Variants in PRKCE observed in about 807,000 individuals in gnomAD.
PRKCE encodes protein kinase C epsilon type.
A neutral mutation model predicts 85.4 loss-of-function variants in PRKCE; 16 were observed. The ratio of observed to expected loss-of-function variants is 0.19; its 90% CI spans 0.13 to 0.28. The LOEUF is 0.28. Ranked by LOEUF, PRKCE falls within the 10% of genes least tolerant of loss-of-function variation. The pLI, the probability that PRKCE is intolerant of heterozygous loss-of-function variation, is 1.00. For synonymous variants in PRKCE, 388 were observed against 371.5 expected (o/e 1.04, Z -0.51); for missense variants, 573 against 975.2 (o/e 0.59, Z 5.49).
rs1186941744 is a variant in PRKCE at position 45,895,462 on chromosome 2, C to T, written c.412+52399C>T. Among the ~76,000 whole-genome samples the T allele has an allele frequency of 6.6e-6, 1 of 152,166 alleles. No homozygotes were observed. The highest frequency in any genetic ancestry group is 2.4e-5 in the African/African-American group (1 of 41,430). On this transcript the variant is annotated intron_variant, in intron 2 of 14. Coordinates refer to ENST00000306156, the MANE Select transcript of PRKCE (RefSeq NM_005400.3). The surrounding 1 kb of genome is among the most constrained non-coding windows in gnomAD (Gnocchi z 4.8). ...GGCTGGTCCCTGGATGGTGGGGATA[C>T]ATGGTACAGCCACCCAAGGCATGGC...
chr2:46,148,565 G>A (rs577275655), intron 12 of PRKCE, among the ~76,000 whole-genome samples: 17 of 152,236 alleles, frequency 1.1e-4, no homozygotes, highest in Non-Finnish European at 2.5e-4. Flanking sequence ...TGTGCCCTGA[G>A]GCTAGAAGAG....
At chr2:46,036,511 G>A (rs1707870985) in intron 10 of PRKCE, among the ~76,000 whole-genome samples, 1 of 152,150 alleles carries the variant, frequency 6.6e-6, no homozygotes, top group Non-Finnish European at 1.5e-5. Context: ...GGTCACTAGA[G>A]CCCAGGAGGT....
At chr2:46,106,428 A>G (rs1269699522) in intron 11 of PRKCE, among the ~76,000 whole-genome samples, 1 of 152,264 alleles carries the variant, frequency 6.6e-6, no homozygotes, top group Non-Finnish European at 1.5e-5. Context: ...GAAAAACTTT[A>G]TCAACTAGAG....
intron 2 of PRKCE, among the ~76,000 whole-genome samples, chr2:45,942,295 G>A (rs1699940521): frequency 1.3e-5 from 2 of 152,118 alleles, no homozygotes; most frequent in African/African-American, 4.8e-5. Flanking sequence ...GCTTATCTGG[G>A]TGCACCCTGA....
chr2:45,877,378 C>T (rs1380811565), intron 2 of PRKCE, among the ~76,000 whole-genome samples: 1 of 151,898 alleles, frequency 6.6e-6, no homozygotes, highest in African/African-American at 2.4e-5. Context: ...TATCTCTTCT[C>T]TCTCTGGGAT....
intron 11 of PRKCE, among the ~76,000 whole-genome samples, chr2:46,132,142 T>A (rs1356022963): frequency 6.6e-6 from 1 of 152,152 alleles, no homozygotes; most frequent in Admixed American, 6.5e-5. Flanking sequence ...ACCACGCTCT[T>A]TGTTTGAGAT....
chr2:45,977,927 G>A (rs1474849109), intron 3 of PRKCE, among the ~76,000 whole-genome samples: 2 of 152,130 alleles, frequency 1.3e-5, no homozygotes, highest in African/African-American at 2.4e-5. Context: ...GAGCGAGTGA[G>A]GCCAGGATGC....
intron 6 of PRKCE, among the ~76,000 whole-genome samples, chr2:45,987,231 C>T (rs1204528169): frequency 4.6e-5 from 7 of 151,916 alleles, no homozygotes; most frequent in Admixed American, 2.0e-4. Flanking sequence ...AATGCTCTTG[C>T]CCCTGCTCAA....
chr2:46,012,881 A>G (rs1249620066), intron 10 of PRKCE, among the ~76,000 whole-genome samples: 1 of 152,240 alleles, frequency 6.6e-6, no homozygotes, highest in Non-Finnish European at 1.5e-5. Context: ...TTATGGCAGA[A>G]CAGTGATCAA....
intron 2 of PRKCE, among the ~76,000 whole-genome samples, chr2:45,974,704 C>A (rs1702327711): frequency 6.6e-6 from 1 of 152,188 alleles, no homozygotes; most frequent in Non-Finnish European, 1.5e-5. Flanking sequence ...ATATGACCTC[C>A]ACTTCAGGGA....
Position 46,185,193 on chromosome 2 carries a change from C to G in PRKCE, c.*312C>G, listed in dbSNP as rs1056275241. 1 of 287,386 alleles carries G rather than the reference C, an allele frequency of 3.5e-6. No individual in the cohort carries two copies. The highest frequency in any genetic ancestry group is 5.0e-5 in the Admixed American group (1 of 20,020). 17.8% of individuals were successfully genotyped at this position (287,386 alleles called of 1,614,324 possible). ...TCCTCAGGGGCTCCTGGCAGTGAAG[C>G]AACTTCAGTTCTTTTACTGCAAAGA... On this transcript the variant is annotated 3_prime_UTR_variant, in exon 15 of 15. Transcript: ENST00000306156. The surrounding 1 kb of genome is among the most constrained non-coding windows in gnomAD (Gnocchi z 4.7).
chr2:45,756,859 G>T (rs1558637703), intron 1 of PRKCE, among the ~76,000 whole-genome samples: 1 of 152,152 alleles, frequency 6.6e-6, no homozygotes, highest in Non-Finnish European at 1.5e-5. Flanking sequence ...ACTCTATGAG[G>T]AAACTTTGTG....
chr2:46,087,745 G>A (rs2103921561), intron 11 of PRKCE, among the ~76,000 whole-genome samples: 2 of 152,354 alleles, frequency 1.3e-5, no homozygotes, highest in Middle Eastern at 6.8e-3. Context: ...GCCCTGGTCA[G>A]TGTATCACGA....
At chr2:45,778,817 C>T (rs1192206791) in intron 1 of PRKCE, among the ~76,000 whole-genome samples, 1 of 152,156 alleles carries the variant, frequency 6.6e-6, no homozygotes, top group Non-Finnish European at 1.5e-5. Context: ...ACCTTCGGAG[C>T]TCCTCCTCCT....
intron 10 of PRKCE, among the ~76,000 whole-genome samples, chr2:46,060,136 G>T (rs1303212877): frequency 2.0e-5 from 3 of 152,206 alleles, no homozygotes; most frequent in Non-Finnish European, 4.4e-5. Flanking sequence ...TAACCTCAGT[G>T]TATATCTTTG....
At chr2:46,044,923 A>T (rs1461454982) in intron 10 of PRKCE, among the ~76,000 whole-genome samples, 1 of 152,144 alleles carries the variant, frequency 6.6e-6, no homozygotes, top group Non-Finnish European at 1.5e-5. Flanking sequence ...TGTATGTTAC[A>T]TGTTTGTATC....
chr2:45,947,284 T>C (rs1700305829), intron 2 of PRKCE, among the ~76,000 whole-genome samples: 1 of 151,890 alleles, frequency 6.6e-6, no homozygotes, highest in Admixed American at 6.6e-5. Flanking sequence ...AGAGATAAAG[T>C]AAATTAGTGA....
chr2:45,959,626 T>C (rs1185872005), intron 2 of PRKCE, among the ~76,000 whole-genome samples: 3 of 152,182 alleles, frequency 2.0e-5, no homozygotes, highest in Non-Finnish European at 4.4e-5. Flanking sequence ...TCAGATCAGA[T>C]TTAGGGAACA....
chr2:45,788,542 C>G (rs1349817293), intron 1 of PRKCE, among the ~76,000 whole-genome samples: 1 of 152,184 alleles, frequency 6.6e-6, no homozygotes, highest in Non-Finnish European at 1.5e-5. Context: ...TCTACACAGC[C>G]TCTCTCATCC....
Sources: allele counts gnomAD v4.1 joint callset (sites outside exome capture counted in the v4.1 genomes callset), GRCh38; gene constraint gnomAD v4.1.1; non-coding constraint Gnocchi (gnomAD v3.1); transcripts MANE v1.5; gene names NCBI Gene and HGNC (gene_info 2026-07-23, HGNC 2026-07-21).